Variants in ADK observed in about 807,000 individuals in gnomAD.
ADK encodes adenosine kinase.
Under a neutral mutation model 44.7 loss-of-function variants are expected in ADK, and 24 were observed. That is an observed-to-expected ratio of 0.54 (90% CI 0.39 to 0.76). The LOEUF (loss-of-function observed/expected upper bound fraction) is 0.76, where lower values mean the gene tolerates loss of function less well. ADK is among the 30% of genes least tolerant of loss of function. ADK has a pLI of 0.00. For missense variants in ADK, 321 were observed against 425.1 expected, an observed-to-expected ratio of 0.76 and a Z score of 2.15; for synonymous variants, 128 against 142.6, an observed-to-expected ratio of 0.90 and a Z score of 0.73.
intron 9 of ADK, among the ~76,000 whole-genome samples, chr10:74,634,331 C>G (rs1318342488): frequency 6.6e-6 from 1 of 152,104 alleles, no homozygotes; most frequent in Non-Finnish European, 1.5e-5. Flanking sequence ...TCTCCCGCCT[C>G]AGCCTCCCAA....
At chr10:74,422,047 C>T (rs1162553673) in intron 6 of ADK, among the ~76,000 whole-genome samples, 1 of 152,088 alleles carries the variant, frequency 6.6e-6, no homozygotes, top group Non-Finnish European at 1.5e-5. Flanking sequence ...TTGAGTGAGT[C>T]ATATCCAAAA....
chr10:74,551,953 C>A (rs1850048216), intron 7 of ADK, among the ~76,000 whole-genome samples: 1 of 152,056 alleles, frequency 6.6e-6, no homozygotes, highest in African/African-American at 2.4e-5. Context: ...TCTCTAGATT[C>A]TTTATAATAC....
chr10:74,346,217 A>G (rs1841758790), intron 4 of ADK, among the ~76,000 whole-genome samples: 1 of 152,138 alleles, frequency 6.6e-6, no homozygotes, highest in African/African-American at 2.4e-5. Flanking sequence ...TAATGAATCC[A>G]AAGTTCATGT....
intron 2 of ADK, among the ~76,000 whole-genome samples, chr10:74,206,031 G>T (rs1843584291): frequency 6.6e-6 from 1 of 152,048 alleles, no homozygotes; most frequent in Non-Finnish European, 1.5e-5. Flanking sequence ...ATGAATTCAT[G>T]GGTTTAAAAT....
chr10:74,369,175 G>A (rs992276483), intron 4 of ADK, among the ~76,000 whole-genome samples: 2 of 152,104 alleles, frequency 1.3e-5, no homozygotes, highest in Non-Finnish European at 2.9e-5. Context: ...AAGACAACAT[G>A]GCAAATTTTA....
At chr10:74,170,595 G>A (rs1842133958) in intron 1 of ADK, among the ~76,000 whole-genome samples, 1 of 151,808 alleles carries the variant, frequency 6.6e-6, no homozygotes, top group Admixed American at 6.6e-5. Flanking sequence ...TCAGGAGATC[G>A]AGACCATCCT....
chr10:74,568,010 CTT>C (rs1331467013), intron 7 of ADK, among the ~76,000 whole-genome samples: 3 of 152,050 alleles, frequency 2.0e-5, no homozygotes, highest in Non-Finnish European at 4.4e-5. Flanking sequence ...TATTCTCTCT[CTT>C]TTTAATTCCA....
At chr10:74,371,652 A>C (rs1256290095) in intron 4 of ADK, 1 of 1,019,816 alleles carries the variant, frequency 9.8e-7, no homozygotes, top group African/African-American at 1.6e-5. Context: ...GTACATCTCT[A>C]TAAGGAAAAG....
chr10:74,360,125 T>C (rs1842287793), intron 4 of ADK, among the ~76,000 whole-genome samples: 1 of 152,130 alleles, frequency 6.6e-6, no homozygotes, highest in African/African-American at 2.4e-5. Context: ...TCTGTGGCAG[T>C]TGGATGAAAT....
At chr10:74,301,474 A>C (rs1214879254) in intron 3 of ADK, among the ~76,000 whole-genome samples, 1 of 148,294 alleles carries the variant, frequency 6.7e-6, no homozygotes, top group Admixed American at 6.9e-5. Flanking sequence ...AGATTGCACC[A>C]CTGCACTCCA....
At chr10:74,422,280 A>G (rs1351436403) in intron 6 of ADK, among the ~76,000 whole-genome samples, 4 of 152,220 alleles carry the variant, frequency 2.6e-5, no homozygotes, top group African/African-American at 7.2e-5. Context: ...TGGACATTCT[A>G]CCACATAAGT....
chr10:74,650,619 T>A (rs945087505), intron 9 of ADK, among the ~76,000 whole-genome samples: 17 of 152,200 alleles, frequency 1.1e-4, no homozygotes, highest in Non-Finnish European at 2.4e-4. Flanking sequence ...TTTTTGGCAT[T>A]ACTTTGTTTT....
chr10:74,154,141 G>C (rs1841688344), intron 1 of ADK, among the ~76,000 whole-genome samples: 1 of 152,172 alleles, frequency 6.6e-6, no homozygotes, highest in Non-Finnish European at 1.5e-5. Flanking sequence ...GGAGAGAGCT[G>C]CCTCTTGGGG....
intron 9 of ADK, chr10:74,641,324 T>C (rs1053213020): frequency 6.6e-6 from 1 of 152,144 alleles, no homozygotes; most frequent in African/African-American, 2.4e-5. Flanking sequence ...CTGGGCAACA[T>C]AGCAAGACCC....
intron 4 of ADK, among the ~76,000 whole-genome samples, chr10:74,373,236 T>C (rs1842723703): frequency 6.6e-6 from 1 of 152,116 alleles, no homozygotes; most frequent in Non-Finnish European, 1.5e-5. Flanking sequence ...GGATACATGT[T>C]TATGACTGGG....
At chr10:74,443,266 A>G (rs1298273232) in intron 6 of ADK, among the ~76,000 whole-genome samples, 1 of 152,212 alleles carries the variant, frequency 6.6e-6, no homozygotes, top group African/African-American at 2.4e-5. Flanking sequence ...AAAACATCAT[A>G]TTTTATACTG....
chr10:74,341,386 T>G (rs1173018583), intron 4 of ADK, among the ~76,000 whole-genome samples: 2 of 150,588 alleles, frequency 1.3e-5, no homozygotes, highest in African/African-American at 2.4e-5. Context: ...ATTAGCTGGG[T>G]GTGTTGGCGG....
At chr10:74,572,698 G>A (rs1335470556) in intron 7 of ADK, among the ~76,000 whole-genome samples, 7 of 151,966 alleles carry the variant, frequency 4.6e-5, no homozygotes, top group Non-Finnish European at 8.8e-5. Context: ...GGCTTTGTTT[G>A]TTTCTTTTTA....
chr10:74,283,648 T>TA (rs1282275164), intron 3 of ADK, among the ~76,000 whole-genome samples: 1 of 149,938 alleles, frequency 6.7e-6, no homozygotes, highest in Non-Finnish European at 1.5e-5. Flanking sequence ...TTTTTTTTTT[T>TA]AATGAGACGG....
Sources: allele counts gnomAD v4.1 joint callset (sites outside exome capture counted in the v4.1 genomes callset), GRCh38; gene constraint gnomAD v4.1.1; transcripts MANE v1.5; gene names NCBI Gene and HGNC (gene_info 2026-07-23, HGNC 2026-07-21).